The following C7orf57 variants were observed in gnomAD, a reference collection of about 807,000 sequenced individuals.
C7orf57 encodes uncharacterized protein C7orf57.
Under a neutral mutation model 39.0 loss-of-function variants are expected in C7orf57, and 33 were observed. The ratio of observed to expected loss-of-function variants is 0.85; its 90% CI spans 0.64 to 1.13. The LOEUF (loss-of-function observed/expected upper bound fraction) is 1.13. Among genes scored for constraint, C7orf57 ranks in the 50% most tolerant of loss-of-function variants. The probability of loss-of-function intolerance (pLI) is 0.00; values close to 1 mark genes in which losing one functional copy is unlikely to be tolerated. For missense variants in C7orf57, 346 were observed against 362.3 expected (o/e 0.95, Z 0.37); for synonymous variants, 124 against 137.1 (o/e 0.90, Z 0.67).
chr7:48,051,414 A>C (rs1790875093), intron 6 of C7orf57, among the ~76,000 whole-genome samples: 2 of 133,660 alleles, frequency 1.5e-5, no homozygotes, highest in South Asian at 4.9e-4. Flanking sequence ...GCAGCGGCGC[A>C]ATCTTGGCTC....
intron 8 of C7orf57, among the ~76,000 whole-genome samples, chr7:48,057,070 T>G (rs1438863569): frequency 6.6e-6 from 1 of 152,066 alleles, no homozygotes; most frequent in East Asian, 1.9e-4. Context: ...TATCTGTTTT[T>G]TTTTTTTTCT....
At chr7:48,036,138 C>A in intron 1 of C7orf57, 70 bp from the exon 2 acceptor site, 1 of 687,420 alleles carries the variant, frequency 1.5e-6, no homozygotes, top group South Asian at 1.6e-5. Flanking sequence ...GATCGTAAGG[C>A]GCCTGCAGGC....
At chr7:48,044,075 G>C (rs765978964) in intron 4 of C7orf57, among the ~76,000 whole-genome samples, 6 of 152,152 alleles carry the variant, frequency 3.9e-5, no homozygotes, top group Admixed American at 1.3e-4. Flanking sequence ...ACTAGTGTTC[G>C]GCTCCATTAG....
intron 5 of C7orf57, among the ~76,000 whole-genome samples, chr7:48,049,076 A>G (rs1790800795): frequency 6.6e-6 from 1 of 152,070 alleles, no homozygotes; most frequent in Non-Finnish European, 1.5e-5. Flanking sequence ...CCCTCCTCCC[A>G]GAGAGATTCC....
chr7:48,040,819 C>T (rs1790526722), intron 2 of C7orf57, among the ~76,000 whole-genome samples: 1 of 152,174 alleles, frequency 6.6e-6, no homozygotes, highest in South Asian at 2.1e-4. Context: ...TGTGTTCAAA[C>T]AGGCTGTTAT....
chr7:48,043,512 G>A lies in C7orf57; in HGVS notation c.273G>A (p.Arg91=). ...TGAAGCACTTTGCCCCTGGAACCAG[G>A]AAAGGCTCTCCAGTGGCCTACTCCC... ...DLLKHFAPGT[R]KGSPVAYSLP... Residue 91 remains arginine (R), a synonymous_variant, in exon 4 of 9, where the codon AGG becomes AGA. Coordinates refer to ENST00000348904, the MANE Select transcript of C7orf57 (RefSeq NM_001100159.3). The A allele has an allele frequency of 6.2e-7, 1 of 1,613,836 alleles. No homozygotes were observed. The highest frequency in any genetic ancestry group is 1.1e-5 in the South Asian group (1 of 91,060).
intron 8 of C7orf57, among the ~76,000 whole-genome samples, chr7:48,055,615 C>G (rs539394846): frequency 1.3e-5 from 2 of 152,142 alleles, no homozygotes; most frequent in Admixed American, 1.3e-4. Context: ...CTCCTCTTAC[C>G]CCATCAACTA....
chr7:48,049,875 C>A lies in C7orf57; in HGVS notation c.508-5C>A. On this transcript the variant is annotated splice_region_variant and splice_polypyrimidine_tract_variant and intron_variant, in intron 5 of 8. Transcript: ENST00000348904. Reference sequence around the variant, plus strand: ...ACTCAAGGTTTTGTGTGTTTCCTCACACAGCTGAGGCTACCGGCCATTGAC... The same window carrying A: ...ACTCAAGGTTTTGTGTGTTTCCTCAAACAGCTGAGGCTACCGGCCATTGAC... The A allele has an allele frequency of 6.2e-7, 1 of 1,612,830 alleles. No homozygotes were observed. The highest frequency in any genetic ancestry group is 8.5e-7 in the Non-Finnish European group (1 of 1,179,112).
Position 48,035,739 on chromosome 7 carries a change from G to C in C7orf57, c.-102+109G>C, listed in dbSNP as rs1790333659. On this transcript the variant is annotated intron_variant, in intron 1 of 8. Transcript: ENST00000348904. The surrounding 1 kb of genome is among the most constrained non-coding windows in gnomAD (Gnocchi z 4.0). ...CAGTGCGCGCCGGGGCTGGAGGGAG[G>C]GGACCACCTTGTCGCCGGGTTGGGA... 4 of 583,900 alleles carry C rather than the reference G, an allele frequency of 6.9e-6. No individual in the cohort carries two copies. Among genetic ancestry groups the C allele is most frequent in the Admixed American group, 3.1e-5 (1 of 32,698 alleles). The allele number at this position is 583,900 out of a possible 1,614,324, so 36.2% of individuals were successfully genotyped here.
intron 6 of C7orf57, among the ~76,000 whole-genome samples, chr7:48,051,783 TTTCTTTC>T (rs1790912735): frequency 9.0e-6 from 1 of 110,912 alleles, no homozygotes; most frequent in African/African-American, 3.4e-5. Context: ...TCTTTCTTTC[TTTCTTTC>T]TTTCTTTCCT....
chr7:48,053,886 T>TCCCAGG (rs1791033939), intron 7 of C7orf57, among the ~76,000 whole-genome samples: 1 of 152,242 alleles, frequency 6.6e-6, no homozygotes, highest in Non-Finnish European at 1.5e-5. Context: ...GAAACCTGTT[T>TCCCAGG]TTACTCTTGA....
intron 2 of C7orf57, among the ~76,000 whole-genome samples, chr7:48,038,728 G>A (rs759936316): frequency 2.6e-4 from 40 of 152,172 alleles, no homozygotes; most frequent in Non-Finnish European, 4.6e-4. Flanking sequence ...GAGAATATGT[G>A]CCCAAGATGG....
intron 2 of C7orf57, among the ~76,000 whole-genome samples, chr7:48,038,947 C>A (rs896909453): frequency 6.6e-6 from 1 of 152,140 alleles, no homozygotes; most frequent in African/African-American, 2.4e-5. Context: ...TATCCAAAGA[C>A]ACGGAATCGA....
At chr7:48,050,016 T>C in intron 6 of C7orf57, 39 bp downstream of exon 6, 1 of 1,438,290 alleles carries the variant, frequency 7.0e-7, no homozygotes, top group Non-Finnish European at 9.8e-7. Flanking sequence ...CTGGACTGGG[T>C]TTGGGTTTGG....
intron 5 of C7orf57, among the ~76,000 whole-genome samples, chr7:48,047,604 A>G (rs904818207): frequency 2.0e-5 from 3 of 152,174 alleles, no homozygotes; most frequent in African/African-American, 4.8e-5. Flanking sequence ...TTTTTCTTTA[A>G]GATCTCCATG....
chr7:48,040,541 C>A (rs1036201641), intron 2 of C7orf57, among the ~76,000 whole-genome samples: 1 of 152,186 alleles, frequency 6.6e-6, no homozygotes, highest in Admixed American at 6.5e-5. Flanking sequence ...CCCTCTTTGG[C>A]CTCAGGCATG....
chr7:48,041,892 A>C (rs1790561442), intron 3 of C7orf57, among the ~76,000 whole-genome samples: 1 of 152,164 alleles, frequency 6.6e-6, no homozygotes, highest in South Asian at 2.1e-4. Context: ...AATTGTGAAA[A>C]GGTTTTGTTG....
At chr7:48,051,822 TC>T (rs1790928337) in intron 6 of C7orf57, among the ~76,000 whole-genome samples, 3 of 10,704 alleles carry the variant, frequency 2.8e-4, no homozygotes, top group African/African-American at 1.2e-3. Context: ...CTCTTCTCTT[TC>T]TTTCTTTCTT....
At chr7:48,058,518 C>CAA (rs1791194793) in intron 8 of C7orf57, among the ~76,000 whole-genome samples, 1 of 151,936 alleles carries the variant, frequency 6.6e-6, no homozygotes, top group Non-Finnish European at 1.5e-5. Context: ...CCTTTGTGGT[C>CAA]CTTTGTGTTT....
Sources: gnomAD v4.1 joint callset for allele counts (sites outside exome capture counted in the v4.1 genomes callset) on GRCh38, gnomAD v4.1.1 for gene constraint, Gnocchi (gnomAD v3.1) non-coding constraint, MANE v1.5 for transcripts, NCBI Gene and HGNC (gene_info 2026-07-23, HGNC 2026-07-21) for gene names.